Variants in ST6GALNAC2 observed in about 807,000 individuals in gnomAD.
ST6GALNAC2 encodes alpha-N-acetylgalactosaminide alpha-2,6-sialyltransferase 2.
ST6GALNAC2 carries 42 observed loss-of-function variants against 38.7 expected under a neutral mutation model. That is an observed-to-expected ratio of 1.09 (90% confidence interval 0.85 to 1.40). The LOEUF is 1.40. Ranked by LOEUF, ST6GALNAC2 falls within the 40% of genes most tolerant of loss-of-function variation. ST6GALNAC2 has a pLI of 0.00. For missense variants in ST6GALNAC2, 506 were observed against 481.7 expected (o/e 1.05, Z -0.47); for synonymous variants, 233 against 209.0 (o/e 1.11, Z -0.99).
chr17:76,571,294 T>C (rs1390644758), intron 5 of ST6GALNAC2: 1 of 152,366 alleles, frequency 6.6e-6, no homozygotes. Flanking sequence ...ACATGTACTG[T>C]GGCTACACTG....
At position 76,572,778 on chromosome 17, in the gene ST6GALNAC2, G is replaced by T; in HGVS notation, c.531-3C>A. On this transcript the variant is annotated splice_polypyrimidine_tract_variant and splice_region_variant and intron_variant, in intron 4 of 8. Coordinates refer to ENST00000225276, the MANE Select transcript of ST6GALNAC2 (RefSeq NM_006456.3). Reference sequence around the variant, plus strand: ...CTTTGATCACAGCTCCATTGAGTCTGGTTGGCACAGAGGCCCATCAGTGTC... The same window carrying T: ...CTTTGATCACAGCTCCATTGAGTCTTGTTGGCACAGAGGCCCATCAGTGTC... 1 of 1,614,080 alleles carries T rather than the reference G, an allele frequency of 6.2e-7. No individual in the cohort carries two copies. The highest frequency in any genetic ancestry group is 8.5e-7 in the Non-Finnish European group (1 of 1,180,002).
Position 76,581,356 on chromosome 17 carries a change from A to T in ST6GALNAC2, c.126-2540T>A, listed in dbSNP as rs148680728. On this transcript the variant is annotated intron_variant, in intron 1 of 8. Coordinates refer to ENST00000225276, the MANE Select transcript of ST6GALNAC2 (RefSeq NM_006456.3). Reference sequence around the variant, plus strand: ...CTATGAGAACCCCCAGGGAGGCTTGAAAAACCCCATTGCTCAGCCCCGAAA... The same window carrying T: ...CTATGAGAACCCCCAGGGAGGCTTGTAAAACCCCATTGCTCAGCCCCGAAA... 1.2e-4 allele frequency among the ~76,000 whole-genome samples: 18 copies of T among 152,068 alleles called. No individual in the cohort carries two copies. In the East Asian group the frequency reaches 3.1e-3, roughly 26 times the overall value.
At chr17:76,576,781 A>G (rs1286642555) in intron 2 of ST6GALNAC2, among the ~76,000 whole-genome samples, 2 of 152,024 alleles carry the variant, frequency 1.3e-5, no homozygotes, top group Admixed American at 6.5e-5. Flanking sequence ...GACCAGCCTG[A>G]GCAACGTGGT....
At chr17:76,567,036 C>A (rs1479854238) in intron 8 of ST6GALNAC2, among the ~76,000 whole-genome samples, 1 of 152,174 alleles carries the variant, frequency 6.6e-6, no homozygotes, top group East Asian at 1.9e-4. Context: ...GAGGCTAAAC[C>A]TGCTGCCCTA....
At chr17:76,569,684 T>G in intron 6 of ST6GALNAC2, 1 of 389,104 alleles carries the variant, frequency 2.6e-6, no homozygotes. Context: ...CCGATGTCTC[T>G]GAGGCAGCCC....
rs753508965 is a variant in ST6GALNAC2, at chr17:76,567,536, A to G, written c.874T>C (p.Leu292=). The G allele has an allele frequency of 3.2e-5, 52 of 1,613,568 alleles. No homozygotes were observed. In the Middle Eastern group the frequency reaches 6.6e-4, roughly 20 times the overall value. ...YLTERFLKSK[L]INTHFGDLYM... ...AGGTCTCCAAAATGTGTGTTAATCAACTTTGATTTCAAGAACCTGGAAGCA... is the reference window on the plus strand; with the variant it reads ...AGGTCTCCAAAATGTGTGTTAATCAGCTTTGATTTCAAGAACCTGGAAGCA... The change falls in exon 8 of 9, where the codon TTG becomes CTG. Residue 292 remains leucine, a synonymous_variant. Transcript: ENST00000225276.
Position 76,566,114 on chromosome 17 carries a change from T to A in ST6GALNAC2, c.1115A>T (p.Tyr372Phe). The change falls in exon 9 of 9, where the codon TAC becomes TTC. Residue 372 changes from tyrosine to phenylalanine, a missense_variant. Tyr to Phe is a conservative substitution (Grantham distance 22). Transcript: ENST00000225276. ...CTCAGTGCATTGGGGTCAGCGCTGGTACAGCTGAAGGATGCCGGCCTTGTG... is the reference window on the plus strand; with the variant it reads ...CTCAGTGCATTGGGGTCAGCGCTGGAACAGCTGAAGGATGCCGGCCTTGTG... The part of the protein sequence containing the change: ...DLHKAGILQL[Y>F]QR 1 of 1,614,010 alleles carries A rather than the reference T, an allele frequency of 6.2e-7. No individual in the cohort carries two copies. Among genetic ancestry groups the A allele is most frequent in the Non-Finnish European group, 8.5e-7 (1 of 1,179,944 alleles).
In ST6GALNAC2 at chr17:76,568,053, C is replaced by T. The variant is rs141339582; in HGVS notation, c.858-501G>A. On this transcript the variant is annotated intron_variant, in intron 7 of 8. Transcript: ENST00000225276. ...TCAGAGCCTGTCTTCCTCTGTAGCA[C>T]GGGACTAATTAGAGGGGCTTCATTT... 7.3e-4 allele frequency: 122 copies of T among 166,146 alleles called. No individual in the cohort carries two copies. The East Asian group carries it at 0.017, about 23-fold the overall frequency. The allele number at this position is 166,146 out of a possible 1,614,324, so 10.3% of individuals were successfully genotyped here.
At chr17:76,572,482 C>T (rs568911671) in intron 5 of ST6GALNAC2, among the ~76,000 whole-genome samples, 155 bp downstream of exon 5, 5 of 152,208 alleles carry the variant, frequency 3.3e-5, no homozygotes, top group Non-Finnish European at 5.9e-5. Flanking sequence ...CAGATCCCCC[C>T]TCACCTTCAG....
intron 6 of ST6GALNAC2, chr17:76,569,248 A>G (rs1347631270): frequency 3.0e-6 from 1 of 329,688 alleles, no homozygotes; most frequent in African/African-American, 2.7e-5. Flanking sequence ...ATAGGGGGTG[A>G]TATAGGACGG....
intron 2 of ST6GALNAC2, among the ~76,000 whole-genome samples, chr17:76,578,069 A>G (rs564848827): frequency 6.6e-6 from 1 of 152,278 alleles, no homozygotes; most frequent in Non-Finnish European, 1.5e-5. Flanking sequence ...CACAGTCATC[A>G]TCCTGCTTAT....
At chr17:76,567,189 A>C (rs1330034506) in intron 8 of ST6GALNAC2, among the ~76,000 whole-genome samples, 4 of 152,136 alleles carry the variant, frequency 2.6e-5, no homozygotes, top group Non-Finnish European at 5.9e-5. Flanking sequence ...TGAAAGAAGG[A>C]AGCCTGGGGC....
intron 1 of ST6GALNAC2, among the ~76,000 whole-genome samples, chr17:76,584,031 G>C (rs1280164111): frequency 9.1e-5 from 1 of 11,042 alleles, no homozygotes; most frequent in Non-Finnish European, 2.6e-4. Flanking sequence ...GTGAAAGCCA[G>C]GTCAGGAGGA....
rs1299100038 is a variant in ST6GALNAC2, at chr17:76,565,507, T to TC, written c.*596dup. 2.2e-4 allele frequency: 34 copies of TC among 151,520 alleles called. No individual in the cohort carries two copies. The highest frequency in any genetic ancestry group is 1.9e-3 in the Admixed American group (29 of 15,182). 9.4% of individuals were successfully genotyped at this position (151,520 alleles called of 1,614,324 possible). A position where few individuals can be genotyped will look rare whatever the true frequency, so the allele number is the denominator to read the frequency against. ...CTAACCCCCATCAAGTGCCAGACCCTCCCAGTGTTCTGAGAGTCATCTCCA... is the reference window on the plus strand; with the variant it reads ...CTAACCCCCATCAAGTGCCAGACCCTCCCCAGTGTTCTGAGAGTCATCTCCA... On this transcript the variant is annotated 3_prime_UTR_variant, in exon 9 of 9. Transcript: ENST00000225276.
chr17:76,577,501 C>T (rs978723817), intron 2 of ST6GALNAC2, among the ~76,000 whole-genome samples: 1 of 151,932 alleles, frequency 6.6e-6, no homozygotes, highest in South Asian at 2.1e-4. Context: ...TTGAAGATGA[C>T]CTGGTCCAAG....
At chr17:76,585,127 C>T (rs1021352763) in intron 1 of ST6GALNAC2, among the ~76,000 whole-genome samples, 8 of 152,312 alleles carry the variant, frequency 5.3e-5, no homozygotes, top group Admixed American at 2.0e-4. Context: ...GCGGATCGCG[C>T]CCGCACTGGG....
At position 76,573,264 on chromosome 17, in the gene ST6GALNAC2, A is replaced by G; in HGVS notation, c.461T>C (p.Val154Ala). The change falls in exon 4 of 9, where the codon GTG becomes GCG. Residue 154 changes from valine to alanine, a missense_variant. Transcript: ENST00000225276. This position sits in a 1 kb window ranked among gnomAD's most constrained non-coding sequence, Gnocchi z 5.1. ...CCCATTCAGAATGCCTCCGTTGCCCACCACGGCACACCGGATACACTTTGG... is the reference window on the plus strand; with the variant it reads ...CCCATTCAGAATGCCTCCGTTGCCCGCCACGGCACACCGGATACACTTTGG... ...TPPKCIRCAVVGNGGILNGSR... is the reference protein window; with the variant it reads ...TPPKCIRCAVAGNGGILNGSR... 1 of 1,612,208 alleles carries G rather than the reference A, an allele frequency of 6.2e-7. No homozygotes were observed.
chr17:76,567,623 A>G (rs2075301111), intron 7 of ST6GALNAC2, 71 bp from the exon 8 acceptor site: 2 of 1,070,488 alleles, frequency 1.9e-6, no homozygotes, highest in Non-Finnish European at 2.9e-6. Flanking sequence ...CTACACATTC[A>G]AATAGGTGGG....
Position 76,573,969 on chromosome 17 carries a change from G to A in ST6GALNAC2, c.361+396C>T, listed in dbSNP as rs112317165. Among the ~76,000 whole-genome samples, 3 of 152,210 alleles carry A rather than the reference G, an allele frequency of 2.0e-5. No homozygotes were observed. Among genetic ancestry groups the A allele is most frequent in the African/African-American group, 7.2e-5 (3 of 41,530 alleles). On this transcript the variant is annotated intron_variant, in intron 3 of 8. Transcript: ENST00000225276. The surrounding 1 kb of genome is among the most constrained non-coding windows in gnomAD (Gnocchi z 5.1). ...ATATTGCAAAAGAAAAGAATCGGAGGCCTGTGGGGGTTTGGGTGCAGGTAT... is the reference window on the plus strand; with the variant it reads ...ATATTGCAAAAGAAAAGAATCGGAGACCTGTGGGGGTTTGGGTGCAGGTAT...
Sources: allele counts gnomAD v4.1 joint callset (sites outside exome capture counted in the v4.1 genomes callset), GRCh38; gene constraint gnomAD v4.1.1; non-coding constraint Gnocchi (gnomAD v3.1); transcripts MANE v1.5; gene names NCBI Gene and HGNC (gene_info 2026-07-23, HGNC 2026-07-21).